The following ANKRD50 variants were observed in gnomAD, a reference collection of about 807,000 sequenced individuals.
The protein encoded by ANKRD50 is ankyrin repeat domain 50, also known as ankyrin repeat domain-containing protein 50.
Under a neutral mutation model 112.0 loss-of-function variants are expected in ANKRD50, and 40 were observed. The ratio of observed to expected loss-of-function variants is 0.36; its 90% confidence interval spans 0.28 to 0.46. The LOEUF (loss-of-function observed/expected upper bound fraction) is 0.46. Among genes scored for constraint, ANKRD50 ranks in the 20% least tolerant of loss-of-function variants. The pLI, the probability that ANKRD50 is intolerant of heterozygous loss-of-function variation, is 1.00. For missense variants in ANKRD50, 1,487 were observed against 1,701.7 expected, an observed-to-expected ratio of 0.87 and a Z score of 2.22; for synonymous variants, 613 against 619.1, an observed-to-expected ratio of 0.99 and a Z score of 0.15.
At chr4:124,708,183 T>C (rs1277517244) in intron 2 of ANKRD50, among the ~76,000 whole-genome samples, 1 of 152,140 alleles carries the variant, frequency 6.6e-6, no homozygotes, top group Non-Finnish European at 1.5e-5. Context: ...AAAGAGTTGC[T>C]TATGTACAGT....
rs760119857 is a variant in ANKRD50, at chr4:124,710,224, A to G, written c.288T>C (p.Pro96=). The part of the protein sequence containing the change: ...LCTELLWPSS[P]ASLQRGLHRQ... ...GATGTAAACCTCTCTGCAAACTTGC[A>G]GGTGAACTTGGCCATAAGAGTTCAG... The change falls in exon 2 of 5, where the codon CCT becomes CCC. Residue 96 remains proline, a synonymous_variant. Coordinates refer to ENST00000504087, the MANE Select transcript of ANKRD50 (RefSeq NM_020337.3). 7.4e-6 allele frequency: 12 copies of G among 1,614,244 alleles called. No individual in the cohort carries two copies. In the East Asian group the frequency reaches 2.5e-4, roughly 33 times the overall value.
chr4:124,709,858 C>T lies in ANKRD50; in HGVS notation c.512+142G>A, dbSNP rs1187321285. On this transcript the variant is annotated intron_variant, in intron 2 of 4. Coordinates refer to ENST00000504087, the MANE Select transcript of ANKRD50 (RefSeq NM_020337.3). ...TACTTCCTTTGATATTCAAAGTAAACAGGTATACTCATAACTTCAGATTAA... is the reference window on the plus strand; with the variant it reads ...TACTTCCTTTGATATTCAAAGTAAATAGGTATACTCATAACTTCAGATTAA... The T allele has an allele frequency of 4.4e-5, 48 of 1,099,014 alleles. No homozygotes were observed. In the East Asian group the frequency reaches 1.2e-3, roughly 27 times the overall value. 68.1% of individuals were successfully genotyped at this position (1,099,014 alleles called of 1,614,324 possible). A position where few individuals can be genotyped will look rare whatever the true frequency, so the allele number is the denominator to read the frequency against.
At chr4:124,693,645 G>A (rs773984979) in intron 2 of ANKRD50, among the ~76,000 whole-genome samples, 36 of 151,914 alleles carry the variant, frequency 2.4e-4, no homozygotes, top group Non-Finnish European at 4.6e-4. Context: ...TCAATTGTCC[G>A]TATCTGTATA....
At chr4:124,703,274 G>A (rs1460538262) in intron 2 of ANKRD50, among the ~76,000 whole-genome samples, 2 of 152,112 alleles carry the variant, frequency 1.3e-5, no homozygotes, top group African/African-American at 2.4e-5. Flanking sequence ...AGGCAATCAT[G>A]CATAAACATC....
chr4:124,694,461 A>G (rs752113657), intron 2 of ANKRD50, among the ~76,000 whole-genome samples: 1 of 152,214 alleles, frequency 6.6e-6, no homozygotes, highest in Non-Finnish European at 1.5e-5. Flanking sequence ...CCAAGAAAGT[A>G]TGCAAGGCAA....
At position 124,666,299 on chromosome 4, in the gene ANKRD50, A is replaced by G. The variant is rs1730488561; in HGVS notation, c.*1219T>C. 1 of 152,460 alleles carries G rather than the reference A, an allele frequency of 6.6e-6. No individual in the cohort carries two copies. The highest frequency in any genetic ancestry group is 2.4e-5 in the African/African-American group (1 of 41,414). 9.4% of individuals were successfully genotyped at this position (152,460 alleles called of 1,614,324 possible). A position where few individuals can be genotyped will look rare whatever the true frequency, so the allele number is the denominator to read the frequency against. ...TAACCCTGGCATCCAGCCCTCCTGC[A>G]TGCAATTGTACAAAGAAGAAAACAG... On this transcript the variant is annotated 3_prime_UTR_variant, in exon 5 of 5. Coordinates refer to ENST00000504087, the MANE Select transcript of ANKRD50 (RefSeq NM_020337.3).
chr4:124,678,850 G>A lies in ANKRD50; in HGVS notation c.568C>T (p.Leu190Phe). ...MKPPQQSLYL[L>F]VDSVDEGCNI... ...CACCCTTCATCAACAGAATCAACAA[G>A]CAGGTATAGGCTTTGCTGGGGAGGC... Residue 190 changes from leucine to phenylalanine, a missense_variant, in exon 3 of 5, where the codon CTT becomes TTT. Leu to Phe is a conservative substitution (Grantham distance 22). Around this residue, in one of 2 missense-constraint regions of ANKRD50, gnomAD observed 1,046 missense variants for 1,269.5 expected, o/e 0.82. Coordinates refer to ENST00000504087, the MANE Select transcript of ANKRD50 (RefSeq NM_020337.3). 1 of 1,613,826 alleles carries A rather than the reference G, an allele frequency of 6.2e-7. No homozygotes were observed. The highest frequency in any genetic ancestry group is 8.5e-7 in the Non-Finnish European group (1 of 1,179,778).
At chr4:124,698,909 A>T (rs1367880241) in intron 2 of ANKRD50, among the ~76,000 whole-genome samples, 3 of 152,142 alleles carry the variant, frequency 2.0e-5, no homozygotes, top group Non-Finnish European at 4.4e-5. Flanking sequence ...CAGTGTACAG[A>T]CTGAACACAT....
Position 124,678,719 on chromosome 4 carries a change from A to G in ANKRD50, c.699T>C (p.Cys233=). The G allele has an allele frequency of 6.2e-7, 1 of 1,613,904 alleles. No homozygotes were observed. Among genetic ancestry groups the G allele is most frequent in the Non-Finnish European group, 8.5e-7 (1 of 1,179,796 alleles). ...CAGCCTTACTCTGCTTTCGGGCAGA[A>G]CAGAGAAGCAATAGCCATGGTGGAA... is the stretch of plus-strand genomic sequence containing the variant. ...EFFPPWLLLL[C]SARKQSKAVT... is the part of the protein sequence containing the mutation. The change falls in exon 3 of 5, where the codon TGT becomes TGC. Residue 233 remains cysteine, a synonymous_variant. Coordinates refer to ENST00000504087, the MANE Select transcript of ANKRD50 (RefSeq NM_020337.3).
intron 3 of ANKRD50, among the ~76,000 whole-genome samples, chr4:124,677,432 G>A (rs935603677): frequency 6.6e-6 from 1 of 151,746 alleles, no homozygotes; most frequent in Non-Finnish European, 1.5e-5. Flanking sequence ...TTGATGGGAA[G>A]GAGTACTATC....
Position 124,669,115 on chromosome 4 carries a change from T to C in ANKRD50, c.4162A>G (p.Arg1388Gly). Residue 1388 changes from arginine (R) to glycine (G), a missense_variant, in exon 4 of 5, where the codon AGA (arginine) becomes GGA (glycine). Physicochemically the swap from Arg to Gly is moderately radical, Grantham distance 125. Coordinates refer to ENST00000504087, the MANE Select transcript of ANKRD50 (RefSeq NM_020337.3). The stretch of plus-strand genomic sequence containing the variant: ...CCCTCCAACACTTCCTGATGCCCTC[T>C]ATCTTGCATTGTTCGTGGGACTGAA... The part of the protein sequence containing the change: ...RVSVPRTMQD[R>G]GHQEVLEGYP... 1 of 1,613,700 alleles carries C rather than the reference T, an allele frequency of 6.2e-7. No homozygotes were observed. Among genetic ancestry groups the C allele is most frequent in the Non-Finnish European group, 8.5e-7 (1 of 1,179,754 alleles).
chr4:124,683,980 A>G (rs903718205), intron 2 of ANKRD50, among the ~76,000 whole-genome samples: 5 of 151,050 alleles, frequency 3.3e-5, no homozygotes, highest in African/African-American at 4.9e-5. Flanking sequence ...TTCAGTGACA[A>G]TAAGAAAAGA....
intron 3 of ANKRD50, among the ~76,000 whole-genome samples, chr4:124,678,139 T>TA: frequency 6.6e-6 from 1 of 152,254 alleles, no homozygotes; most frequent in Admixed American, 6.5e-5. Context: ...GTTATATGGC[T>TA]AATTAATCAT....
chr4:124,670,237 A>G lies in ANKRD50; in HGVS notation c.3040T>C (p.Ser1014Pro). 1 of 1,613,826 alleles carries G rather than the reference A, an allele frequency of 6.2e-7. No homozygotes were observed. Among genetic ancestry groups the G allele is most frequent in the Non-Finnish European group, 8.5e-7 (1 of 1,179,890 alleles). ...DVNAADNEKR[S>P]ALQSAAWQGH... ...TGCCAGGCTGCAGACTGCAAAGCAG[A>G]GCGCTTTTCATTGTCTGCAGCATTG... Residue 1014 changes from serine to proline, a missense_variant, in exon 4 of 5, where the codon TCT becomes CCT. Transcript: ENST00000504087.
chr4:124,670,346 A>G lies in ANKRD50; in HGVS notation c.2931T>C (p.Ala977=), dbSNP rs1462013502. Residue 977 remains alanine (A), a synonymous_variant, in exon 4 of 5, where the codon GCT becomes GCC. Coordinates refer to ENST00000504087, the MANE Select transcript of ANKRD50 (RefSeq NM_020337.3). Reference sequence around the variant, plus strand: ...ACACATGAAGTGCTGTCCTTCCTTCAGCATCACTTGCTTCTACGTTTGCAC... The same window carrying G: ...ACACATGAAGTGCTGTCCTTCCTTCGGCATCACTTGCTTCTACGTTTGCAC... ...ENGANVEASD[A]EGRTALHVSC... The G allele has an allele frequency of 1.2e-6, 2 of 1,613,952 alleles. No individual in the cohort carries two copies. The highest frequency in any genetic ancestry group is 2.7e-5 in the African/African-American group (2 of 75,030).
intron 2 of ANKRD50, among the ~76,000 whole-genome samples, chr4:124,697,562 G>A (rs545182904): frequency 8.6e-4 from 131 of 152,142 alleles, no homozygotes; most frequent in African/African-American, 3.0e-3. Flanking sequence ...TGCATGTGCC[G>A]GCTTCCCCTT....
At chr4:124,683,467 T>C (rs1300262493) in intron 2 of ANKRD50, among the ~76,000 whole-genome samples, 1 of 152,088 alleles carries the variant, frequency 6.6e-6, no homozygotes, top group African/African-American at 2.4e-5. Context: ...TCTTCTTTTC[T>C]AGCTATTTTG....
chr4:124,701,155 G>A (rs1725380438), intron 2 of ANKRD50, among the ~76,000 whole-genome samples: 1 of 152,132 alleles, frequency 6.6e-6, no homozygotes, highest in Non-Finnish European at 1.5e-5. Flanking sequence ...TAGAGACAGG[G>A]TTTCTCCATG....
At chr4:124,672,630 AATT>A (rs1730689870) in intron 3 of ANKRD50, 96 bp from the exon 4 acceptor site, 6 of 794,712 alleles carry the variant, frequency 7.5e-6, no homozygotes, top group Admixed American at 3.4e-5. Context: ...TAAATAAATC[AATT>A]AATAAATTAA....
Sources: allele counts gnomAD v4.1 joint callset (sites outside exome capture counted in the v4.1 genomes callset), GRCh38; gene constraint gnomAD v4.1.1; regional missense constraint gnomAD v4.1.1; transcripts MANE v1.5; gene names NCBI Gene and HGNC (gene_info 2026-07-23, HGNC 2026-07-21).